INSR: variants seen among roughly 807,000 people sequenced by gnomAD.
INSR encodes the protein insulin receptor, also known as IR.
Under a neutral mutation model 142.6 loss-of-function variants are expected in INSR, and 67 were observed. The observed-to-expected ratio is 0.47, with a 90% CI of 0.39 to 0.58. The LOEUF is 0.58. INSR is among the 20% of genes least tolerant of loss of function. The pLI is 0.00. For synonymous variants in INSR, 756 were observed against 743.1 expected, an observed-to-expected ratio of 1.02 and a Z score of -0.28; for missense variants, 1,248 against 1,833.2, an observed-to-expected ratio of 0.68 and a Z score of 5.83.
intron 2 of INSR, among the ~76,000 whole-genome samples, chr19:7,234,971 T>C (rs1271711617): frequency 1.3e-5 from 2 of 151,944 alleles, no homozygotes; most frequent in African/African-American, 2.4e-5. Flanking sequence ...GGCAGGAGAA[T>C]GGCGTGAACC....
intron 9 of INSR, among the ~76,000 whole-genome samples, chr19:7,155,578 T>G (rs1599920459): frequency 4.4e-5 from 5 of 113,120 alleles, no homozygotes; most frequent in Admixed American, 9.9e-5. Flanking sequence ...CCAATATAGC[T>G]GGAAGGGGGT....
chr19:7,197,616 AGTGT>A (rs1348941151), intron 2 of INSR, among the ~76,000 whole-genome samples: 6 of 90,300 alleles, frequency 6.6e-5, no homozygotes, highest in East Asian at 3.4e-4. Flanking sequence ...CCAGAGTGGG[AGTGT>A]GTGTGTGTTT....
rs1968575313 is a variant in INSR at position 7,294,090 on chromosome 19, A to G, written c.-199T>C. ...AAGGGCGCGCGCGGCTTCGCCAGCTACAAATACTGAGCGGAGGCCCTTGCG... is the reference window on the plus strand; with the variant it reads ...AAGGGCGCGCGCGGCTTCGCCAGCTGCAAATACTGAGCGGAGGCCCTTGCG... On this transcript the variant is annotated 5_prime_UTR_variant, in exon 1 of 22. Coordinates refer to ENST00000302850, the MANE Select transcript of INSR (RefSeq NM_000208.4). 2 of 359,196 alleles carry G rather than the reference A, an allele frequency of 5.6e-6. No homozygotes were observed. Among genetic ancestry groups the G allele is most frequent in the Admixed American group, 5.6e-5 (1 of 17,738 alleles). 22.3% of individuals were successfully genotyped at this position (359,196 alleles called of 1,614,324 possible).
intron 13 of INSR, 138 bp downstream of exon 13, chr19:7,141,539 C>T: frequency 1.6e-6 from 2 of 1,257,130 alleles, no homozygotes; most frequent in Non-Finnish European, 2.3e-6. Flanking sequence ...GGTATCAAGG[C>T]TTTAAGTACT....
chr19:7,146,079 C>G (rs938605492), intron 11 of INSR, among the ~76,000 whole-genome samples: 2 of 152,086 alleles, frequency 1.3e-5, no homozygotes, highest in African/African-American at 4.8e-5. Flanking sequence ...TCTTGATGAA[C>G]TAGATGATGT....
chr19:7,181,725 A>G (rs1014547707), intron 3 of INSR, among the ~76,000 whole-genome samples: 7 of 151,996 alleles, frequency 4.6e-5, no homozygotes, highest in Non-Finnish European at 8.8e-5. Context: ...ATGCATCACC[A>G]TGCCCAGCTA....
intron 2 of INSR, among the ~76,000 whole-genome samples, chr19:7,187,820 C>T (rs963853759): frequency 3.7e-4 from 57 of 152,256 alleles, no homozygotes; most frequent in African/African-American, 1.2e-3. Flanking sequence ...GATCCTCCCA[C>T]CTCAGCCTCC....
intron 3 of INSR, among the ~76,000 whole-genome samples, chr19:7,181,329 G>C (rs1974269831): frequency 6.6e-6 from 1 of 152,208 alleles, no homozygotes; most frequent in Admixed American, 6.5e-5. Flanking sequence ...GACCAGACAT[G>C]ATGGTGAAAT....
At chr19:7,148,880 C>T (rs982981920) in intron 11 of INSR, among the ~76,000 whole-genome samples, 5 of 150,680 alleles carry the variant, frequency 3.3e-5, no homozygotes, top group African/African-American at 4.9e-5. Flanking sequence ...CTGCAAGCTC[C>T]GCGTCCCAGG....
At chr19:7,220,197 C>G (rs74970142) in intron 2 of INSR, among the ~76,000 whole-genome samples, 7 of 152,226 alleles carry the variant, frequency 4.6e-5, no homozygotes, top group Non-Finnish European at 7.3e-5. Context: ...TCCAGGAATG[C>G]TGAGTAGGCA....
Position 7,142,970 on chromosome 19 carries a change from C to G in INSR, c.2388G>C (p.Arg796Ser), listed in dbSNP as rs78433961. Reference sequence around the variant, plus strand: ...CCTTGTTCACCACCTTCTCAAAAGGCCTGTGCTCCTCCGGACTCGTGGGCA... The same window carrying G: ...CCTTGTTCACCACCTTCTCAAAAGGGCTGTGCTCCTCCGGACTCGTGGGCA... ...TSVPTSPEEH[R>S]PFEKVVNKES... Residue 796 changes from arginine to serine, a missense_variant, in exon 12 of 22, where the codon AGG (arginine) becomes AGC (serine). Physicochemically the swap from Arg to Ser is moderately radical, Grantham distance 110. This residue lies in a region of INSR where 1,069 missense variants were observed against 1,654.0 expected (regional missense o/e 0.65). Transcript: ENST00000302850. The G allele has an allele frequency of 4.4e-4, 717 of 1,614,052 alleles. No homozygotes were observed. Among genetic ancestry groups the G allele is most frequent in the Non-Finnish European group, 5.6e-4 (664 of 1,180,042 alleles).
chr19:7,193,935 C>T lies in INSR; in HGVS notation c.653-9298G>A, dbSNP rs532824212. Among the ~76,000 whole-genome samples the T allele has an allele frequency of 3.4e-4, 49 of 145,114 alleles. 1 individual carries two copies. In the South Asian group the frequency reaches 0.011, roughly 32 times the overall value. On this transcript the variant is annotated intron_variant, in intron 2 of 21. Transcript: ENST00000302850. ...CAGGCTGGTCTTGAACTCCTAGGCTCAAGAGATCCGCTCTCCCCGAGCTCC... is the reference window on the plus strand; with the variant it reads ...CAGGCTGGTCTTGAACTCCTAGGCTTAAGAGATCCGCTCTCCCCGAGCTCC...
chr19:7,244,389 C>T (rs1277904547), intron 2 of INSR, among the ~76,000 whole-genome samples: 2 of 151,898 alleles, frequency 1.3e-5, no homozygotes, highest in South Asian at 2.1e-4. Context: ...AAAAATTAGC[C>T]GGGCATGGTG....
intron 2 of INSR, among the ~76,000 whole-genome samples, chr19:7,221,885 G>C (rs906784768): frequency 2.6e-5 from 4 of 151,758 alleles, no homozygotes; most frequent in African/African-American, 9.7e-5. Context: ...ATCTGGCAGG[G>C]CTGTTGTCGG....
At chr19:7,182,925 A>AG (rs35761321) in intron 3 of INSR, among the ~76,000 whole-genome samples, 11 of 151,322 alleles carry the variant, frequency 7.3e-5, no homozygotes, top group South Asian at 2.1e-4. Flanking sequence ...AAAAAAAAAA[A>AG]CCTAAAACAA....
In INSR at chr19:7,120,702, C is replaced by A. The variant is rs1431315989; in HGVS notation, c.3577G>T (p.Gly1193Trp). The A allele has an allele frequency of 5.6e-6, 9 of 1,614,162 alleles. No homozygotes were observed. Among genetic ancestry groups the A allele is most frequent in the Non-Finnish European group, 7.6e-6 (9 of 1,180,008 alleles). ...CGTACAGGGAGCAGACCCTTGCCCCCTTTCCGGTAGTAATCCGTTTCATAG... is the reference window on the plus strand; with the variant it reads ...CGTACAGGGAGCAGACCCTTGCCCCATTTCCGGTAGTAATCCGTTTCATAG... ...DIYETDYYRK[G>W]GKGLLPVRWM... The change falls in exon 20 of 22, where the codon GGG (glycine) becomes TGG (tryptophan). Residue 1193 changes from glycine (G) to tryptophan (W), a missense_variant. Physicochemically the swap from Gly to Trp is radical, Grantham distance 184. Around this residue, in one of 3 missense-constraint regions of INSR, gnomAD observed 1,069 missense variants for 1,654.0 expected, o/e 0.65. Coordinates refer to ENST00000302850, the MANE Select transcript of INSR (RefSeq NM_000208.4).
chr19:7,279,794 G>A (rs1293475199), intron 1 of INSR, among the ~76,000 whole-genome samples: 1 of 151,282 alleles, frequency 6.6e-6, no homozygotes, highest in Non-Finnish European at 1.5e-5. Flanking sequence ...GGGTAACATA[G>A]CAAAACCCCA....
At chr19:7,213,854 T>C (rs1975352815) in intron 2 of INSR, among the ~76,000 whole-genome samples, 1 of 152,046 alleles carries the variant, frequency 6.6e-6, no homozygotes, top group African/African-American at 2.4e-5. Context: ...CCAGGCGTGG[T>C]GGTGCACGCC....
At chr19:7,244,952 T>TCC (rs887269717) in intron 2 of INSR, among the ~76,000 whole-genome samples, 15,733 of 141,958 alleles carry the variant, frequency 0.11, 2,518 homozygotes, top group African/African-American at 0.36. Flanking sequence ...TTTTTTTTTT[T>TCC]CAAGATGGAG....
Sources: allele counts gnomAD v4.1 joint callset (sites outside exome capture counted in the v4.1 genomes callset), GRCh38; gene constraint gnomAD v4.1.1; regional missense constraint gnomAD v4.1.1; transcripts MANE v1.5; gene names NCBI Gene and HGNC (gene_info 2026-07-23, HGNC 2026-07-21).